BCKDHB: variants seen among roughly 807,000 people sequenced by gnomAD.
BCKDHB encodes the protein 2-oxoisovalerate dehydrogenase subunit beta, mitochondrial.
A neutral mutation model predicts 48.5 loss-of-function variants in BCKDHB; 41 were observed. The ratio of observed to expected loss-of-function variants is 0.85; its 90% CI spans 0.66 to 1.10. The LOEUF (loss-of-function observed/expected upper bound fraction) is 1.10. Among genes scored for constraint, BCKDHB ranks in the 50% least tolerant of loss-of-function variants. The probability of loss-of-function intolerance (pLI) is 0.00; values close to 1 mark genes in which losing one functional copy is unlikely to be tolerated. For missense variants in BCKDHB, 496 were observed against 494.2 expected, an observed-to-expected ratio of 1.00 and a Z score of -0.03; for synonymous variants, 201 against 174.8, an observed-to-expected ratio of 1.15 and a Z score of -1.18.
At chr6:80,400,379 G>GA in the BCKDHB span, among the ~76,000 whole-genome samples, 2 of 151,534 alleles carry the variant, frequency 1.3e-5, no homozygotes, top group Non-Finnish European at 3.0e-5. Context: ...AAAAAACACC[G>GA]AAAAAACCAC....
the BCKDHB span, among the ~76,000 whole-genome samples, chr6:80,405,979 C>A: frequency 6.6e-6 from 1 of 152,066 alleles, no homozygotes; most frequent in African/African-American, 2.4e-5. Context: ...CTCCTCCAGG[C>A]CCCCGCCCCC....
At chr6:80,340,825 G>A (rs1349986956) in intron 9 of BCKDHB, among the ~76,000 whole-genome samples, 1 of 152,020 alleles carries the variant, frequency 6.6e-6, no homozygotes, top group African/African-American at 2.4e-5. Context: ...GTACGTACAT[G>A]TATACAGCTT....
the BCKDHB span, among the ~76,000 whole-genome samples, chr6:80,452,954 T>C: frequency 6.6e-5 from 10 of 152,178 alleles, no homozygotes; most frequent in Non-Finnish European, 1.0e-4. Context: ...ATTACATTCC[T>C]TCCCACAAGA....
chr6:80,334,210 T>C (rs1317004334), intron 9 of BCKDHB, among the ~76,000 whole-genome samples: 2 of 152,258 alleles, frequency 1.3e-5, no homozygotes, highest in Admixed American at 1.3e-4. Context: ...ATATTTTGAA[T>C]TCTGAATTTT....
chr6:80,370,577 G>A, the BCKDHB span, among the ~76,000 whole-genome samples: 2 of 151,986 alleles, frequency 1.3e-5, no homozygotes, highest in African/African-American at 4.8e-5. Context: ...AGTCCTCAAA[G>A]TCCATTATAT....
At chr6:80,446,460 G>C in the BCKDHB span, among the ~76,000 whole-genome samples, 3 of 152,298 alleles carry the variant, frequency 2.0e-5, no homozygotes, top group East Asian at 5.8e-4. Context: ...CAGCAGACCT[G>C]CTCCACTTAG....
the BCKDHB span, among the ~76,000 whole-genome samples, chr6:80,395,611 A>G: frequency 6.6e-6 from 1 of 152,242 alleles, no homozygotes; most frequent in Non-Finnish European, 1.5e-5. Context: ...TGAAGATTTG[A>G]TAGGAAAGAA....
chr6:80,197,973 TCC>T, intron 6 of BCKDHB, among the ~76,000 whole-genome samples: 1 of 152,080 alleles, frequency 6.6e-6, no homozygotes, highest in South Asian at 2.1e-4. Context: ...CATCCATCCA[TCC>T]ATCCGTCTAT....
rs541250015 is a variant in BCKDHB, at chr6:80,147,917, T to C, written c.343+18688T>C. 3.9e-5 allele frequency among the ~76,000 whole-genome samples: 6 copies of C among 151,946 alleles called. No homozygotes were observed. In the East Asian group the frequency reaches 1.2e-3, roughly 29 times the overall value. On this transcript the variant is annotated intron_variant, in intron 3 of 9. Transcript: ENST00000320393. The stretch of plus-strand genomic sequence containing the variant: ...GGATTGTGATTCTTTGAAGTTGAGG[T>C]GAATGGAGAGGCAAGGATCCAGAGC...
At chr6:80,324,088 A>G (rs916632486) in intron 9 of BCKDHB, among the ~76,000 whole-genome samples, 2 of 152,112 alleles carry the variant, frequency 1.3e-5, no homozygotes, top group African/African-American at 2.4e-5. Flanking sequence ...TATTTTTTAT[A>G]TATGGTGACT....
intron 8 of BCKDHB, among the ~76,000 whole-genome samples, chr6:80,213,076 A>G (rs892958657): frequency 1.1e-4 from 17 of 152,210 alleles, no homozygotes; most frequent in African/African-American, 4.1e-4. Context: ...AGTAATAAAT[A>G]TTAGCAAGAG....
chr6:80,425,384 C>A, the BCKDHB span, among the ~76,000 whole-genome samples: 1 of 152,164 alleles, frequency 6.6e-6, no homozygotes, highest in South Asian at 2.1e-4. Flanking sequence ...ATGCAACCAC[C>A]ACACATCACT....
At chr6:80,177,274 A>AT (rs1455450212) in intron 6 of BCKDHB, among the ~76,000 whole-genome samples, 1 of 148,690 alleles carries the variant, frequency 6.7e-6, no homozygotes, top group Non-Finnish European at 1.5e-5. Context: ...TGGGTTTCAT[A>AT]TTAAAAAAAA....
At chr6:80,118,822 T>C (rs1289873288) in intron 1 of BCKDHB, among the ~76,000 whole-genome samples, 1 of 152,156 alleles carries the variant, frequency 6.6e-6, no homozygotes, top group African/African-American at 2.4e-5. Flanking sequence ...ATCTCAAGGC[T>C]CCACTTTCTT....
intron 8 of BCKDHB, among the ~76,000 whole-genome samples, chr6:80,244,209 G>A (rs745744698): frequency 6.6e-6 from 1 of 152,160 alleles, no homozygotes; most frequent in African/African-American, 2.4e-5. Context: ...GCAGGAGATG[G>A]AAGGGCACAG....
chr6:80,159,658 A>AT (rs1772219570), intron 3 of BCKDHB, among the ~76,000 whole-genome samples: 1 of 152,198 alleles, frequency 6.6e-6, no homozygotes, highest in Admixed American at 6.5e-5. Context: ...GCTTTAATAT[A>AT]TTGTGAAATC....
chr6:80,250,469 GCC>G (rs1776791644), intron 8 of BCKDHB, among the ~76,000 whole-genome samples: 1 of 152,128 alleles, frequency 6.6e-6, no homozygotes, highest in African/African-American at 2.4e-5. Context: ...CGTGATCACA[GCC>G]CTTGATTGAC....
chr6:80,137,397 ATTTG>A (rs1770942480), intron 3 of BCKDHB, among the ~76,000 whole-genome samples: 1 of 152,052 alleles, frequency 6.6e-6, no homozygotes, highest in Non-Finnish European at 1.5e-5. Context: ...TTCTCTATTT[ATTTG>A]TTTAAGAGTC....
At chr6:80,288,207 A>G (rs1766721705) in intron 9 of BCKDHB, among the ~76,000 whole-genome samples, 1 of 152,164 alleles carries the variant, frequency 6.6e-6, no homozygotes, top group African/African-American at 2.4e-5. Flanking sequence ...AAGTGAAAAA[A>G]TGATCCTTTC....
Sources: gnomAD v4.1 joint callset for allele counts (sites outside exome capture counted in the v4.1 genomes callset) on GRCh38, gnomAD v4.1.1 for gene constraint, MANE v1.5 for transcripts, NCBI Gene and HGNC (gene_info 2026-07-23, HGNC 2026-07-21) for gene names.